The following PBX3 variants were observed in gnomAD, a reference collection of about 807,000 sequenced individuals.
PBX3 encodes the protein pre-B-cell leukemia transcription factor 3.
In PBX3, 14 loss-of-function variants were observed where a neutral mutation model predicts 48.5. The ratio of observed to expected loss-of-function variants is 0.29; its 90% CI spans 0.19 to 0.45. The LOEUF (loss-of-function observed/expected upper bound fraction) is 0.45. Among genes scored for constraint, PBX3 ranks in the 20% least tolerant of loss-of-function variants. PBX3 has a pLI of 1.00. For missense variants in PBX3, 386 were observed against 546.7 expected (o/e 0.71, Z 2.93); for synonymous variants, 210 against 200.3 (o/e 1.05, Z -0.41).
chr9:125,928,362 C>T (rs1188481938), intron 3 of PBX3, among the ~76,000 whole-genome samples: 1 of 150,866 alleles, frequency 6.6e-6, no homozygotes, highest in Non-Finnish European at 1.5e-5. Context: ...CTGGGTGACA[C>T]AGTGAGACTC....
chr9:125,934,529 T>C (rs1225768849), intron 4 of PBX3, among the ~76,000 whole-genome samples: 1 of 152,228 alleles, frequency 6.6e-6, no homozygotes, highest in Non-Finnish European at 1.5e-5. Flanking sequence ...ACATTTTTGC[T>C]ACTTGAAATA....
At chr9:125,894,102 A>G (rs942935269) in intron 2 of PBX3, among the ~76,000 whole-genome samples, 2 of 76,908 alleles carry the variant, frequency 2.6e-5, no homozygotes, top group African/African-American at 1.2e-4. Context: ...GCATTTTGTA[A>G]ATAGTATATT....
intron 2 of PBX3, among the ~76,000 whole-genome samples, chr9:125,761,252 TATG>T (rs1355326261): frequency 6.6e-6 from 1 of 152,102 alleles, no homozygotes; most frequent in African/African-American, 2.4e-5. Context: ...CATTCTTTAT[TATG>T]GTCTAATTTA....
intron 2 of PBX3, among the ~76,000 whole-genome samples, chr9:125,777,395 A>C: frequency 7.1e-6 from 1 of 141,500 alleles, no homozygotes; most frequent in Non-Finnish European, 1.5e-5. Flanking sequence ...TCACCCTGTC[A>C]CCCAGGCTGG....
chr9:125,884,756 T>C (rs1291646742), intron 2 of PBX3, among the ~76,000 whole-genome samples: 1 of 152,162 alleles, frequency 6.6e-6, no homozygotes, highest in Non-Finnish European at 1.5e-5. Flanking sequence ...AACCACTCCA[T>C]AGAGAGCAGC....
intron 2 of PBX3, among the ~76,000 whole-genome samples, chr9:125,789,366 G>C (rs999850361): frequency 6.6e-6 from 1 of 152,188 alleles, no homozygotes. Flanking sequence ...ATTTCAGTCA[G>C]GTGACAGTGG....
At chr9:125,807,753 C>A (rs186931887) in intron 2 of PBX3, among the ~76,000 whole-genome samples, 122 of 152,062 alleles carry the variant, frequency 8.0e-4, no homozygotes, top group Admixed American at 1.3e-3. Flanking sequence ...ATTAAATATC[C>A]TTCAAGACCA....
chr9:125,825,450 C>T (rs1360168017), intron 2 of PBX3, among the ~76,000 whole-genome samples: 1 of 151,050 alleles, frequency 6.6e-6, no homozygotes, highest in Non-Finnish European at 1.5e-5. Flanking sequence ...ACTTATATTT[C>T]CAAAATAAAA....
intron 3 of PBX3, among the ~76,000 whole-genome samples, chr9:125,928,193 CAA>C (rs1051146102): frequency 6.7e-6 from 1 of 148,784 alleles, no homozygotes; most frequent in Admixed American, 6.7e-5. Context: ...TCTGTCTCTA[CAA>C]AAAAAAATAA....
At chr9:125,775,123 TC>T (rs1490751897) in intron 2 of PBX3, among the ~76,000 whole-genome samples, 1 of 152,186 alleles carries the variant, frequency 6.6e-6, no homozygotes, top group East Asian at 1.9e-4. Flanking sequence ...CACCTCAGCC[TC>T]CCAAAGTGGT....
At chr9:125,886,190 TGTA>T (rs1840496622) in intron 2 of PBX3, among the ~76,000 whole-genome samples, 1 of 152,090 alleles carries the variant, frequency 6.6e-6, no homozygotes, top group Non-Finnish European at 1.5e-5. Context: ...GTGACATTAA[TGTA>T]GTGTATATTA....
At chr9:125,937,107 A>G (rs1403150397) in intron 5 of PBX3, among the ~76,000 whole-genome samples, 2 of 152,044 alleles carry the variant, frequency 1.3e-5, no homozygotes, top group Admixed American at 1.3e-4. Flanking sequence ...TCTTGCTGCC[A>G]CTCTTTTTTA....
intron 5 of PBX3, among the ~76,000 whole-genome samples, chr9:125,958,037 C>T (rs1394461854): frequency 1.3e-5 from 2 of 152,158 alleles, no homozygotes; most frequent in Admixed American, 1.3e-4. Flanking sequence ...CTTTATAGTC[C>T]TTTTCCAATC....
At chr9:125,839,373 A>G (rs1839225024) in intron 2 of PBX3, among the ~76,000 whole-genome samples, 1 of 152,236 alleles carries the variant, frequency 6.6e-6, no homozygotes, top group African/African-American at 2.4e-5. Flanking sequence ...CAGATTCAGA[A>G]GATCTCTCAC....
intron 2 of PBX3, among the ~76,000 whole-genome samples, chr9:125,785,049 T>C (rs1837423457): frequency 6.6e-6 from 1 of 152,258 alleles, no homozygotes; most frequent in Non-Finnish European, 1.5e-5. Flanking sequence ...CTAAAGTCTT[T>C]TGCCCCAGGT....
At chr9:125,951,701 T>C (rs1379629012) in intron 5 of PBX3, among the ~76,000 whole-genome samples, 2 of 152,184 alleles carry the variant, frequency 1.3e-5, no homozygotes, top group African/African-American at 4.8e-5. Context: ...TCCCACCTTG[T>C]AGACCAGGAA....
intron 2 of PBX3, among the ~76,000 whole-genome samples, chr9:125,820,980 T>C (rs1838634632): frequency 6.6e-6 from 1 of 152,228 alleles, no homozygotes; most frequent in Non-Finnish European, 1.5e-5. Flanking sequence ...TTTTATTTTA[T>C]ACTAATCATA....
chr9:125,773,798 A>G (rs1022848302), intron 2 of PBX3, among the ~76,000 whole-genome samples: 3 of 151,666 alleles, frequency 2.0e-5, no homozygotes, highest in Admixed American at 6.6e-5. Context: ...TTTATATTCA[A>G]TACAGCAGTG....
At chr9:125,956,294 C>T (rs778691046) in intron 5 of PBX3, among the ~76,000 whole-genome samples, 10 of 152,194 alleles carry the variant, frequency 6.6e-5, no homozygotes, top group South Asian at 2.1e-4. Context: ...GTCCAAAGCA[C>T]GTAACCATTA....
Sources: allele counts gnomAD v4.1 joint callset (sites outside exome capture counted in the v4.1 genomes callset), GRCh38; gene constraint gnomAD v4.1.1; transcripts MANE v1.5; gene names NCBI Gene and HGNC (gene_info 2026-07-23, HGNC 2026-07-21).